Variants in SLC24A1 observed in about 807,000 individuals in gnomAD.
SLC24A1 encodes the protein sodium/potassium/calcium exchanger 1.
Under a neutral mutation model 88.1 loss-of-function variants are expected in SLC24A1, and 52 were observed. The observed-to-expected ratio is 0.59, with a 90% CI of 0.47 to 0.74. SLC24A1 has a LOEUF of 0.74. Among genes scored for constraint, SLC24A1 ranks in the 30% least tolerant of loss-of-function variants. The pLI is 0.00. For missense variants in SLC24A1, 1,173 were observed against 1,363.3 expected, an observed-to-expected ratio of 0.86 and a Z score of 2.20; for synonymous variants, 455 against 498.0, an observed-to-expected ratio of 0.91 and a Z score of 1.15.
intron 2 of SLC24A1, among the ~76,000 whole-genome samples, chr15:65,634,747 AAAAAAAAAAAAG>A (rs1351210171): frequency 2.7e-5 from 4 of 145,526 alleles, no homozygotes; most frequent in Non-Finnish European, 6.2e-5. Flanking sequence ...CACCAAAAAA[AAAAAAAAAAAAG>A]AAAAAGAAAA....
chr15:65,654,170 A>G lies in SLC24A1; in HGVS notation c.*91A>G, dbSNP rs1252262433. 1.3e-6 allele frequency: 2 copies of G among 1,523,486 alleles called. No homozygotes were observed. The highest frequency in any genetic ancestry group is 4.5e-5 in the East Asian group (2 of 44,198). 94.4% of individuals were successfully genotyped at this position (1,523,486 alleles called of 1,614,324 possible). A position where few individuals can be genotyped will look rare whatever the true frequency, so the allele number is the denominator to read the frequency against. On this transcript the variant is annotated 3_prime_UTR_variant, in exon 10 of 10. Transcript: ENST00000261892. The stretch of plus-strand genomic sequence containing the variant: ...TGACCCTAATGAAAGAATGTATATG[A>G]TCCTGGAAAGTGAACTGGGTGACCT...
At chr15:65,649,892 A>G (rs1240831492) in intron 6 of SLC24A1, among the ~76,000 whole-genome samples, 1 of 152,218 alleles carries the variant, frequency 6.6e-6, no homozygotes, top group East Asian at 1.9e-4. Context: ...TCCATGCAAT[A>G]TTCTGTATTC....
intron 2 of SLC24A1, among the ~76,000 whole-genome samples, chr15:65,633,773 C>T (rs1458500172): frequency 6.6e-6 from 1 of 152,172 alleles, no homozygotes; most frequent in Non-Finnish European, 1.5e-5. Context: ...CAATACTGGA[C>T]TGCAAGTAAG....
chr15:65,652,378 G>C, intron 8 of SLC24A1: 1 of 373,524 alleles, frequency 2.7e-6, no homozygotes, highest in Non-Finnish European at 4.9e-6. Context: ...ATGACAGTGA[G>C]CAGCAGATCT....
chr15:65,641,229 A>C (rs963629316), intron 4 of SLC24A1, among the ~76,000 whole-genome samples: 1 of 152,002 alleles, frequency 6.6e-6, no homozygotes, highest in African/African-American at 2.4e-5. Flanking sequence ...AAAAATTGGC[A>C]CACACCTGTA....
At chr15:65,620,639 T>C (rs1035087086), upstream of SLC24A1, among the ~76,000 whole-genome samples, 1 of 152,214 alleles carries the variant, frequency 6.6e-6, no homozygotes, top group South Asian at 2.1e-4. Flanking sequence ...GGGTAGGATT[T>C]AGGTTAGACA....
intron 2 of SLC24A1, among the ~76,000 whole-genome samples, chr15:65,632,587 G>C (rs557134187): frequency 6.6e-6 from 1 of 152,140 alleles, no homozygotes; most frequent in African/African-American, 2.4e-5. Flanking sequence ...TTAAAATCAA[G>C]AACTGGCTGA....
intron 2 of SLC24A1, among the ~76,000 whole-genome samples, chr15:65,627,162 C>T (rs2074547956): frequency 6.6e-6 from 1 of 152,148 alleles, no homozygotes; most frequent in South Asian, 2.1e-4. Context: ...TTGTTCTGGC[C>T]AAAGCACGGA....
chr15:65,652,863 A>C (rs1266581734), intron 9 of SLC24A1, 55 bp downstream of exon 9: 21 of 1,404,948 alleles, frequency 1.5e-5, no homozygotes. Context: ...AAAACACTGC[A>C]TTGGCTCTGT....
Position 65,645,289 on chromosome 15 carries a change from G to A in SLC24A1, c.2141-323G>A, listed in dbSNP as rs142769360. 4.8e-3 allele frequency among the ~76,000 whole-genome samples: 729 copies of A among 152,330 alleles called. 7 individuals are homozygous for A. The highest frequency in any genetic ancestry group is 0.017 in the African/African-American group (698 of 41,566). On this transcript the variant is annotated intron_variant, in intron 5 of 9. Transcript: ENST00000261892. ...GATCCTTCCCAAAGGGTCATTCTCT[G>A]AGTGCTGGGAGCTTTGCCCTCTCTC... is the stretch of plus-strand genomic sequence containing the variant.
intron 2 of SLC24A1, among the ~76,000 whole-genome samples, chr15:65,626,959 C>T (rs2074542238): frequency 6.6e-6 from 1 of 152,156 alleles, no homozygotes; most frequent in Non-Finnish European, 1.5e-5. Flanking sequence ...GGCTCACAGC[C>T]TGCCTATTCC....
At chr15:65,628,545 G>T (rs1294405064) in intron 2 of SLC24A1, among the ~76,000 whole-genome samples, 1 of 152,156 alleles carries the variant, frequency 6.6e-6, no homozygotes, top group African/African-American at 2.4e-5. Context: ...TACATACATT[G>T]TCTTAACATT....
chr15:65,634,507 G>T (rs538981860), intron 2 of SLC24A1, among the ~76,000 whole-genome samples: 2 of 152,318 alleles, frequency 1.3e-5, no homozygotes, highest in African/African-American at 4.8e-5. Flanking sequence ...ATGTTGTGAT[G>T]TGAGAGGTGA....
chr15:65,637,171 A>G (rs1429690940), intron 2 of SLC24A1, among the ~76,000 whole-genome samples: 3 of 152,204 alleles, frequency 2.0e-5, no homozygotes, highest in African/African-American at 7.2e-5. Context: ...CTAGTGGTTC[A>G]GACAGTAAAT....
At chr15:65,643,452 G>A (rs971821037) in intron 4 of SLC24A1, among the ~76,000 whole-genome samples, 3 of 152,232 alleles carry the variant, frequency 2.0e-5, no homozygotes, top group East Asian at 3.9e-4. Flanking sequence ...AAAGTCACCC[G>A]GTGCTCATGG....
chr15:65,657,513 G>A (rs191288555), downstream of SLC24A1, among the ~76,000 whole-genome samples: 2 of 152,294 alleles, frequency 1.3e-5, no homozygotes, highest in East Asian at 3.9e-4. Context: ...CGAGGTGGCA[G>A]GCGCCTATAG....
At chr15:65,643,597 C>G (rs1231801293) in intron 4 of SLC24A1, among the ~76,000 whole-genome samples, 1 of 152,228 alleles carries the variant, frequency 6.6e-6, no homozygotes, top group African/African-American at 2.4e-5. Context: ...TTCCTTCTTC[C>G]CTTCTCACCT....
intron 8 of SLC24A1, chr15:65,652,141 A>G (rs1447923981): frequency 2.8e-6 from 1 of 353,614 alleles, no homozygotes; most frequent in Non-Finnish European, 5.4e-6. Context: ...CTGAGTACCT[A>G]TAGTGTTTCT....
At chr15:65,613,096 G>A (rs773070688) in intron 2 of SLC24A1, among the ~76,000 whole-genome samples, 15 of 152,206 alleles carry the variant, frequency 9.9e-5, no homozygotes, top group Non-Finnish European at 2.1e-4. Context: ...GCCATCACTG[G>A]CTGATGAATT....
Sources: gnomAD v4.1 joint callset for allele counts (sites outside exome capture counted in the v4.1 genomes callset) on GRCh38, gnomAD v4.1.1 for gene constraint, MANE v1.5 for transcripts, NCBI Gene and HGNC (gene_info 2026-07-23, HGNC 2026-07-21) for gene names.